Variants in MAP3K2 observed in about 807,000 individuals in gnomAD.
The protein encoded by MAP3K2 is MAP/ERK kinase kinase 2.
MAP3K2 carries 24 observed loss-of-function variants against 80.3 expected under a neutral mutation model. The observed-to-expected ratio is 0.30, with a 90% CI of 0.22 to 0.42. The LOEUF (loss-of-function observed/expected upper bound fraction) is 0.42. Among genes scored for constraint, MAP3K2 ranks in the 10% least tolerant of loss-of-function variants. MAP3K2 has a pLI of 1.00. For missense variants in MAP3K2, 608 were observed against 750.1 expected (o/e 0.81, Z 2.21); for synonymous variants, 244 against 253.7 (o/e 0.96, Z 0.36).
Position 127,322,060 on chromosome 2 carries a change from C to G in MAP3K2, c.1031G>C (p.Ser344Thr), listed in dbSNP as rs770019988. The change falls in exon 12 of 17, where the codon AGC becomes ACC. Residue 344 changes from serine (S) to threonine (T), a missense_variant. This residue lies in a region of MAP3K2 where 467 missense variants were observed against 521.9 expected (regional missense o/e 0.89). Transcript: ENST00000682094. The surrounding 1 kb of genome is among the most constrained non-coding windows in gnomAD (Gnocchi z 4.2). The part of the protein sequence containing the change: ...DNPTLTVMDI[S>T]PPSRSPRAPT... Reference sequence around the variant, plus strand: ...CTATTACTTACAACGGCTGGGTGGGCTGATGTCCATTACGGTCAAAGTAGG... The same window carrying G: ...CTATTACTTACAACGGCTGGGTGGGGTGATGTCCATTACGGTCAAAGTAGG... 6 of 1,612,862 alleles carry G rather than the reference C, an allele frequency of 3.7e-6. No homozygotes were observed. In the South Asian group the frequency reaches 6.6e-5, roughly 18 times the overall value.
chr2:127,381,809 G>A (rs1438260965), intron 1 of MAP3K2, among the ~76,000 whole-genome samples: 3 of 152,034 alleles, frequency 2.0e-5, no homozygotes, highest in South Asian at 4.2e-4. Flanking sequence ...TCACTTATTA[G>A]GTATTCTTGT....
rs1260078636 is a variant in MAP3K2 at position 127,307,541 on chromosome 2, T to C, written c.*38A>G. 3 of 1,363,600 alleles carry C rather than the reference T, an allele frequency of 2.2e-6. No homozygotes were observed. The highest frequency in any genetic ancestry group is 2.5e-5 in the East Asian group (1 of 39,604). The allele number at this position is 1,363,600 out of a possible 1,614,324, so 84.5% of individuals were successfully genotyped here. ...GTCAGAGAGAAGGTGAATGAATAGA[T>C]GGGAGCTAGGTAGAGGCACAGGAGA... On this transcript the variant is annotated 3_prime_UTR_variant, in exon 17 of 17. Transcript: ENST00000682094. This position sits in a 1 kb window ranked among gnomAD's most constrained non-coding sequence, Gnocchi z 5.4.
At chr2:127,328,416 T>A (rs557452161) in intron 7 of MAP3K2, among the ~76,000 whole-genome samples, 1 of 152,296 alleles carries the variant, frequency 6.6e-6, no homozygotes, top group South Asian at 2.1e-4. Context: ...AAATGTACAA[T>A]AAGCTTTCTA....
intron 1 of MAP3K2, among the ~76,000 whole-genome samples, chr2:127,384,030 T>A (rs1574011934): frequency 6.6e-6 from 1 of 151,886 alleles, no homozygotes; most frequent in East Asian, 1.9e-4. Context: ...CCCGCCACCA[T>A]GCCCGGCTAG....
In MAP3K2 at chr2:127,384,307, G is replaced by A. The variant is rs571723927; in HGVS notation, c.-66+3145C>T. 1.9e-4 allele frequency among the ~76,000 whole-genome samples: 29 copies of A among 151,648 alleles called. No individual in the cohort carries two copies. In the South Asian group the frequency reaches 5.0e-3, roughly 26 times the overall value. On this transcript the variant is annotated intron_variant, in intron 1 of 16. Transcript: ENST00000682094. ...GTAAACATAACTTTATACGCACTGT[G>A]AAACTAAAAAAAGAAAAACAAACGA...
At chr2:127,319,903 A>G (rs1389180396) in intron 12 of MAP3K2, among the ~76,000 whole-genome samples, 1 of 152,004 alleles carries the variant, frequency 6.6e-6, no homozygotes, top group Non-Finnish European at 1.5e-5. Flanking sequence ...TTAGGAAACC[A>G]GCACAAGGTA....
chr2:127,349,837 T>C (rs958232640), intron 1 of MAP3K2, among the ~76,000 whole-genome samples: 1 of 152,114 alleles, frequency 6.6e-6, no homozygotes, highest in Non-Finnish European at 1.5e-5. Flanking sequence ...ATATTCTCTT[T>C]CAATAAAAAT....
chr2:127,311,731 C>T (rs1347740997), intron 15 of MAP3K2, among the ~76,000 whole-genome samples: 1 of 151,882 alleles, frequency 6.6e-6, no homozygotes, highest in African/African-American at 2.4e-5. Flanking sequence ...ACTCTTATCA[C>T]ACCCAAGAGG....
chr2:127,387,822 T>G lies in MAP3K2; in HGVS notation c.-436A>C. 1.0e-6 allele frequency: 1 copy of G among 984,892 alleles called. No individual in the cohort carries two copies. The highest frequency in any genetic ancestry group is 1.2e-6 in the Non-Finnish European group (1 of 829,728). 61.0% of individuals were successfully genotyped at this position (984,892 alleles called of 1,614,324 possible). ...GGAGAAGAGGCGGGAGTGGCGACTC[T>G]GCGGACAGGGGCGCCGAGCGTCCTG... On this transcript the variant is annotated 5_prime_UTR_variant, in exon 1 of 17. Transcript: ENST00000682094.
chr2:127,353,947 A>T (rs1377138795), intron 1 of MAP3K2, among the ~76,000 whole-genome samples: 1 of 151,658 alleles, frequency 6.6e-6, no homozygotes. Flanking sequence ...CCTTACCCCC[A>T]ACCCTGTGCT....
intron 13 of MAP3K2, 29 bp from the exon 14 acceptor site, chr2:127,317,789 T>TC: frequency 6.3e-7 from 1 of 1,577,878 alleles, no homozygotes; most frequent in Non-Finnish European, 8.6e-7. Flanking sequence ...TGTTAAGTCT[T>TC]CAACAATGTC....
At chr2:127,331,667 T>C (rs1292818722) in intron 5 of MAP3K2, among the ~76,000 whole-genome samples, 1 of 152,220 alleles carries the variant, frequency 6.6e-6, no homozygotes, top group Non-Finnish European at 1.5e-5. Context: ...TGGAGTACAG[T>C]GGCAATCTCA....
chr2:127,337,898 C>T (rs777472708), intron 3 of MAP3K2, 120 bp from the exon 4 acceptor site: 17 of 556,950 alleles, frequency 3.1e-5, no homozygotes, highest in African/African-American at 2.3e-4. Context: ...ATAGACCAGA[C>T]GAGGAGGGAA....
In MAP3K2 at chr2:127,328,907, T is replaced by C. The variant is rs529845184; in HGVS notation, c.466+1014A>G. Reference sequence around the variant, plus strand: ...CTCTTTTAAATCCGCCCCTCATACATGTTTTCATGCCATCTTTAATGGCCA... The same window carrying C: ...CTCTTTTAAATCCGCCCCTCATACACGTTTTCATGCCATCTTTAATGGCCA... On this transcript the variant is annotated intron_variant, in intron 7 of 16. Transcript: ENST00000682094. 1.8e-4 allele frequency among the ~76,000 whole-genome samples: 27 copies of C among 152,354 alleles called. 1 individual carries two copies. The South Asian group carries it at 5.6e-3, about 32-fold the overall frequency.
At chr2:127,315,283 A>G (rs532283841) in intron 14 of MAP3K2, among the ~76,000 whole-genome samples, 1 of 152,352 alleles carries the variant, frequency 6.6e-6, no homozygotes, top group Non-Finnish European at 1.5e-5. Flanking sequence ...AAACTTCCCT[A>G]GTGATTCCAA....
intron 1 of MAP3K2, among the ~76,000 whole-genome samples, chr2:127,363,399 T>A (rs929433138): frequency 6.6e-6 from 1 of 152,210 alleles, no homozygotes; most frequent in African/African-American, 2.4e-5. Flanking sequence ...AATACTTTAT[T>A]AATATAATAA....
chr2:127,342,208 G>C (rs959972079), intron 2 of MAP3K2, among the ~76,000 whole-genome samples: 1 of 152,182 alleles, frequency 6.6e-6, no homozygotes, highest in South Asian at 2.1e-4. Flanking sequence ...AGGCTGACTA[G>C]AGTGGAGAAT....
At chr2:127,352,427 A>G (rs1250462691) in intron 1 of MAP3K2, among the ~76,000 whole-genome samples, 1 of 152,058 alleles carries the variant, frequency 6.6e-6, no homozygotes, top group African/African-American at 2.4e-5. Context: ...CTGCTTCAGA[A>G]TCTCTTCTTC....
chr2:127,346,869 T>A (rs1686604578), intron 1 of MAP3K2, among the ~76,000 whole-genome samples: 2 of 151,912 alleles, frequency 1.3e-5, no homozygotes, highest in Non-Finnish European at 2.9e-5. Context: ...GCACCTATAA[T>A]CCCAGCTACT....
Sources: allele counts gnomAD v4.1 joint callset (sites outside exome capture counted in the v4.1 genomes callset), GRCh38; gene constraint gnomAD v4.1.1; regional missense constraint gnomAD v4.1.1; non-coding constraint Gnocchi (gnomAD v3.1); transcripts MANE v1.5; gene names NCBI Gene and HGNC (gene_info 2026-07-23, HGNC 2026-07-21).